TMC2: variants seen among roughly 807,000 people sequenced by gnomAD.
TMC2 encodes the protein transmembrane channel like 2.
TMC2 carries 102 observed loss-of-function variants against 105.9 expected under a neutral mutation model. That is an observed-to-expected ratio of 0.96 (90% confidence interval 0.82 to 1.14). TMC2 has a LOEUF of 1.14. TMC2 is among the 50% of genes most tolerant of loss of function. The probability of loss-of-function intolerance (pLI) is 0.00; values close to 1 mark genes in which losing one functional copy is unlikely to be tolerated. For missense variants in TMC2, 1,093 were observed against 1,134.3 expected (o/e 0.96, Z 0.52); for synonymous variants, 402 against 422.8 (o/e 0.95, Z 0.60).
At chr20:2,579,889 C>T (rs776433813) in intron 6 of TMC2, 61 bp from the exon 7 acceptor site, 174 of 1,050,758 alleles carry the variant, frequency 1.7e-4, no homozygotes, top group Non-Finnish European at 2.4e-4. Context: ...ACATAAAGTG[C>T]TCAATAGTGT....
At chr20:2,633,012 T>C (rs7266145) in intron 17 of TMC2, among the ~76,000 whole-genome samples, 115,010 of 152,156 alleles carry the variant, frequency 0.76, 43,598 homozygotes, top group East Asian at 0.87. Flanking sequence ...ATAATTGTTG[T>C]CGTTATTGTT....
chr20:2,614,459 G>T (rs574727940), intron 14 of TMC2, among the ~76,000 whole-genome samples: 5 of 152,222 alleles, frequency 3.3e-5, no homozygotes, highest in South Asian at 4.2e-4. Context: ...TAAAAAATTA[G>T]CTGGGTGTGC....
intron 10 of TMC2, among the ~76,000 whole-genome samples, chr20:2,598,393 AC>A (rs2086324616): frequency 1.1e-5 from 1 of 92,388 alleles, no homozygotes; most frequent in Non-Finnish European, 2.2e-5. Context: ...CCTTGCCTCT[AC>A]TTTATTTATT....
chr20:2,626,975 G>A (rs1199030808), intron 17 of TMC2, among the ~76,000 whole-genome samples: 1 of 152,228 alleles, frequency 6.6e-6, no homozygotes, highest in Non-Finnish European at 1.5e-5. Context: ...AAAGAGCAGG[G>A]AGGAGGAGGT....
At chr20:2,557,882 GGAGAA>G (rs1395833940) in intron 2 of TMC2, among the ~76,000 whole-genome samples, 1 of 152,134 alleles carries the variant, frequency 6.6e-6, no homozygotes, top group Non-Finnish European at 1.5e-5. Flanking sequence ...GGACCTAGAG[GGAGAA>G]GAGATTTCTT....
intron 17 of TMC2, among the ~76,000 whole-genome samples, chr20:2,631,826 C>A (rs2086605694): frequency 6.6e-6 from 1 of 151,372 alleles, no homozygotes; most frequent in Non-Finnish European, 1.5e-5. Context: ...GGGATGAAAT[C>A]TGATTAAAAA....
chr20:2,537,207 G>T (rs2085855618), intron 1 of TMC2, 62 bp from the exon 2 acceptor site: 6 of 1,473,516 alleles, frequency 4.1e-6, no homozygotes, highest in African/African-American at 1.4e-5. Context: ...AGTGACCGGG[G>T]GTCTGCAGGG....
At chr20:2,555,223 G>C (rs1428469888) in intron 2 of TMC2, among the ~76,000 whole-genome samples, 2 of 152,124 alleles carry the variant, frequency 1.3e-5, no homozygotes, top group African/African-American at 4.8e-5. Context: ...TGAGATTACA[G>C]GCATGCGCCA....
At chr20:2,562,916 A>T (rs571684671) in intron 4 of TMC2, among the ~76,000 whole-genome samples, 1 of 152,138 alleles carries the variant, frequency 6.6e-6, no homozygotes, top group Non-Finnish European at 1.5e-5. Context: ...ACTGAACTCC[A>T]GCCTGGGCAA....
In TMC2 at chr20:2,633,897, G is replaced by A. The variant is rs148035244; in HGVS notation, c.2307-2029G>A. The stretch of plus-strand genomic sequence containing the variant: ...TTAATTTTGAGTTCTGAAAAAATTT[G>A]ATTCTGACAATTTTGGCTGGCATTC... On this transcript the variant is annotated intron_variant, in intron 17 of 19. Transcript: ENST00000358864. Among the ~76,000 whole-genome samples the A allele has an allele frequency of 5.2e-3, 785 of 152,308 alleles. 1 individual carries two copies. Among genetic ancestry groups the A allele is most frequent in the Admixed American group, 8.0e-3 (122 of 15,294 alleles).
At chr20:2,615,307 C>T (rs192383118) in intron 14 of TMC2, among the ~76,000 whole-genome samples, 18 of 152,306 alleles carry the variant, frequency 1.2e-4, no homozygotes, top group Admixed American at 4.6e-4. Context: ...GGCAACAGAG[C>T]GAGACTCCGT....
chr20:2,573,808 C>A (rs1018611396), intron 5 of TMC2, among the ~76,000 whole-genome samples: 2 of 152,004 alleles, frequency 1.3e-5, no homozygotes, highest in Non-Finnish European at 2.9e-5. Context: ...GATCCGCCCG[C>A]CTCGGCCTCC....
At chr20:2,620,742 T>G (rs2207153) in intron 16 of TMC2, among the ~76,000 whole-genome samples, 118,519 of 152,070 alleles carry the variant, frequency 0.78, 46,282 homozygotes, top group East Asian at 0.87. Flanking sequence ...AGGGTGGAAG[T>G]GTTCTTCCAA....
rs1436016020 is a variant in TMC2 at position 2,589,269 on chromosome 20, CCTGTGTGTGTGT to C, written c.835-3040_835-3029del. ...TTTTTCCAGATATCTTCCTATTTGC[CCTGTGTGTGTGT>C]GTGTGTGTGTGTGTGTGTGTGTGTG... On this transcript the variant is annotated intron_variant, in intron 7 of 19. Coordinates refer to ENST00000358864, the MANE Select transcript of TMC2 (RefSeq NM_080751.3). Among the ~76,000 whole-genome samples, 34 of 84,712 alleles carry C rather than the reference CCTGTGTGTGTGT, an allele frequency of 4.0e-4. 1 individual carries two copies. Among genetic ancestry groups the C allele is most frequent in the South Asian group, 7.7e-4 (2 of 2,612 alleles). The allele number at this position is 84,712 out of a possible 152,430, so 55.6% of individuals were successfully genotyped here. A position where few individuals can be genotyped will look rare whatever the true frequency, so the allele number is the denominator to read the frequency against.
chr20:2,632,706 C>CAGT (rs1378900290), intron 17 of TMC2, among the ~76,000 whole-genome samples: 45 of 152,278 alleles, frequency 3.0e-4, no homozygotes, highest in Admixed American at 1.3e-3. Flanking sequence ...TCTCCTGCCC[C>CAGT]AGCCTCCCGA....
rs1555774377 is a variant in TMC2 at position 2,589,270 on chromosome 20, C to CTTTGTGTGTGTGTGTGTGTGTG, written c.835-3039_835-3038insTTGTGTGTGTGTGTGTGTGTGT. On this transcript the variant is annotated intron_variant, in intron 7 of 19. Coordinates refer to ENST00000358864, the MANE Select transcript of TMC2 (RefSeq NM_080751.3). Reference sequence around the variant, plus strand: ...TTTTCCAGATATCTTCCTATTTGCCCTGTGTGTGTGTGTGTGTGTGTGTGT... The same window carrying CTTTGTGTGTGTGTGTGTGTGTG: ...TTTTCCAGATATCTTCCTATTTGCCCTTTGTGTGTGTGTGTGTGTGTGTGTGTGTGTGTGTGTGTGTGTGTGT... 7.1e-4 allele frequency among the ~76,000 whole-genome samples: 83 copies of CTTTGTGTGTGTGTGTGTGTGTG among 116,354 alleles called. 3 individuals are homozygous for CTTTGTGTGTGTGTGTGTGTGTG. Among genetic ancestry groups the CTTTGTGTGTGTGTGTGTGTGTG allele is most frequent in the African/African-American group, 2.9e-3 (74 of 25,826 alleles). The allele number at this position is 116,354 out of a possible 152,430, so 76.3% of individuals were successfully genotyped here. A position where few individuals can be genotyped will look rare whatever the true frequency, so the allele number is the denominator to read the frequency against.
chr20:2,549,003 A>G (rs1191159721), intron 2 of TMC2, among the ~76,000 whole-genome samples: 1 of 152,228 alleles, frequency 6.6e-6, no homozygotes, highest in Non-Finnish European at 1.5e-5. Context: ...ATTAAACATA[A>G]TAAATTAGTT....
Position 2,561,891 on chromosome 20 carries a change from G to A in TMC2, c.435G>A (p.Gly145=), listed in dbSNP as rs1568505680. 1.2e-6 allele frequency: 2 copies of A among 1,614,224 alleles called. No homozygotes were observed. Among genetic ancestry groups the A allele is most frequent in the Non-Finnish European group, 1.7e-6 (2 of 1,180,028 alleles). Reference sequence around the variant, plus strand: ...CCTTGGCCTCCAGTGCCTCTGGTGGGGAGTCCCTGTCCGAGGAGGAACTGG... The same window carrying A: ...CCTTGGCCTCCAGTGCCTCTGGTGGAGAGTCCCTGTCCGAGGAGGAACTGG... ...SSSLASSASG[G]ESLSEEELAQ... is the part of the protein sequence containing the mutation. The change falls in exon 4 of 20, where the codon GGG becomes GGA. Residue 145 remains glycine, a synonymous_variant. Transcript: ENST00000358864.
At chr20:2,596,499 G>T (rs908798481) in intron 9 of TMC2, among the ~76,000 whole-genome samples, 6 of 152,036 alleles carry the variant, frequency 3.9e-5, no homozygotes, top group African/African-American at 1.4e-4. Flanking sequence ...CAGGCGTCCT[G>T]GCAGGTGTTT....
Sources: gnomAD v4.1 joint callset for allele counts (sites outside exome capture counted in the v4.1 genomes callset) on GRCh38, gnomAD v4.1.1 for gene constraint, MANE v1.5 for transcripts, NCBI Gene and HGNC (gene_info 2026-07-23, HGNC 2026-07-21) for gene names.